CTDSPL2: variants seen among roughly 807,000 people sequenced by gnomAD.
CTDSPL2 encodes the protein CTD small phosphatase-like protein 2.
A neutral mutation model predicts 60.0 loss-of-function variants in CTDSPL2; 5 were observed. The observed-to-expected ratio is 0.08, with a 90% CI of 0.04 to 0.18. The LOEUF (loss-of-function observed/expected upper bound fraction) is 0.18, where lower values mean the gene tolerates loss of function less well. CTDSPL2 is among the 10% of genes least tolerant of loss of function. The pLI is 1.00. For synonymous variants in CTDSPL2, 186 were observed against 189.3 expected (o/e 0.98, Z 0.14); for missense variants, 370 against 548.8 (o/e 0.67, Z 3.26).
intron 1 of CTDSPL2, among the ~76,000 whole-genome samples, chr15:44,442,681 A>G (rs2080115830): frequency 6.8e-6 from 1 of 148,080 alleles, no homozygotes; most frequent in Non-Finnish European, 1.5e-5. Flanking sequence ...GTTGGTTAGC[A>G]AAAAAAAAAT....
At chr15:44,432,954 A>C (rs1291501520) in intron 1 of CTDSPL2, among the ~76,000 whole-genome samples, 2 of 151,966 alleles carry the variant, frequency 1.3e-5, no homozygotes, top group African/African-American at 4.8e-5. Context: ...AAAAAGAGAA[A>C]GTCTATATTG....
Position 44,527,806 on chromosome 15 carries a change from A to G in CTDSPL2, c.*3632A>G, listed in dbSNP as rs1269162966. The G allele has an allele frequency of 6.6e-6, 1 of 152,122 alleles. No homozygotes were observed. The highest frequency in any genetic ancestry group is 2.4e-5 in the African/African-American group (1 of 41,438). The allele number at this position is 152,122 out of a possible 1,614,324, so 9.4% of individuals were successfully genotyped here. A position where few individuals can be genotyped will look rare whatever the true frequency, so the allele number is the denominator to read the frequency against. ...ACTGGGAACAAAAATGTATGGGCCA[A>G]AAGGCCTTAGGGTTGTCATTCATTG... On this transcript the variant is annotated 3_prime_UTR_variant, in exon 13 of 13. Transcript: ENST00000260327.
In CTDSPL2 at chr15:44,445,037, G is replaced by T. The variant is rs529194025; in HGVS notation, c.-24-13954G>T. ...TTTATATTTTTAGTAGAGACGACAG[G>T]GTTTCACCGTGTTAGCTAGGATGGT... On this transcript the variant is annotated intron_variant, in intron 1 of 12. Transcript: ENST00000260327. Among the ~76,000 whole-genome samples the T allele has an allele frequency of 6.0e-5, 9 of 150,832 alleles. No homozygotes were observed. The East Asian group carries it at 1.8e-3, about 30-fold the overall frequency.
At chr15:44,453,778 G>A (rs1348249631) in intron 1 of CTDSPL2, among the ~76,000 whole-genome samples, 1 of 152,000 alleles carries the variant, frequency 6.6e-6, no homozygotes, top group Non-Finnish European at 1.5e-5. Flanking sequence ...TGGCTGCATA[G>A]TATTCCATAG....
At chr15:44,450,949 A>G (rs1383161862) in intron 1 of CTDSPL2, among the ~76,000 whole-genome samples, 1 of 152,196 alleles carries the variant, frequency 6.6e-6, no homozygotes, top group South Asian at 2.1e-4. Context: ...ATAAAAGGGG[A>G]AAAAAACAGG....
intron 3 of CTDSPL2, among the ~76,000 whole-genome samples, chr15:44,486,040 G>C (rs145404219): frequency 1.3e-5 from 2 of 152,158 alleles, no homozygotes; most frequent in Non-Finnish European, 2.9e-5. Flanking sequence ...CTGAGATGGC[G>C]TCTCAGTGTC....
At chr15:44,440,915 G>A (rs1333414358) in intron 1 of CTDSPL2, among the ~76,000 whole-genome samples, 2 of 152,040 alleles carry the variant, frequency 1.3e-5, no homozygotes, top group African/African-American at 4.8e-5. Context: ...CCTTAAGTGC[G>A]CCATTGGCTT....
At chr15:44,482,948 T>G (rs2081053598) in intron 2 of CTDSPL2, among the ~76,000 whole-genome samples, 1 of 152,176 alleles carries the variant, frequency 6.6e-6, no homozygotes, top group Non-Finnish European at 1.5e-5. Flanking sequence ...TGTAGGGCAG[T>G]ATTATAGTAA....
intron 12 of CTDSPL2, among the ~76,000 whole-genome samples, chr15:44,521,854 C>T (rs1463222371): frequency 1.2e-4 from 16 of 134,824 alleles, no homozygotes; most frequent in Admixed American, 7.7e-4. Context: ...AGGGGAATGG[C>T]GTGAACCCGG....
intron 8 of CTDSPL2, among the ~76,000 whole-genome samples, chr15:44,510,126 C>T (rs2081541174): frequency 6.6e-6 from 1 of 151,704 alleles, no homozygotes. Context: ...GCTGGGACTA[C>T]AGGTGCATGC....
In CTDSPL2 at chr15:44,525,585, A is replaced by G. The variant is rs1407776611; in HGVS notation, c.*1411A>G. On this transcript the variant is annotated 3_prime_UTR_variant, in exon 13 of 13. Transcript: ENST00000260327. ...TGATATTTTGTATGCTTGTTAAGAA[A>G]GTACAGTATTGGAAATTAAAGGTGG... The G allele has an allele frequency of 2.5e-6, 1 of 398,044 alleles. No homozygotes were observed. Among genetic ancestry groups the G allele is most frequent in the Non-Finnish European group, 4.4e-6 (1 of 225,510 alleles). 24.7% of individuals were successfully genotyped at this position (398,044 alleles called of 1,614,324 possible). A position where few individuals can be genotyped will look rare whatever the true frequency, so the allele number is the denominator to read the frequency against.
chr15:44,443,253 G>T (rs1441315426), intron 1 of CTDSPL2, among the ~76,000 whole-genome samples: 1 of 152,028 alleles, frequency 6.6e-6, no homozygotes, highest in Non-Finnish European at 1.5e-5. Context: ...CCTTTTTAAG[G>T]CTGAATACTA....
chr15:44,457,755 G>C (rs1168215692), intron 1 of CTDSPL2, among the ~76,000 whole-genome samples: 2 of 152,092 alleles, frequency 1.3e-5, no homozygotes, highest in Non-Finnish European at 2.9e-5. Context: ...GGGATTACAG[G>C]CCCCTGCCAC....
At position 44,506,025 on chromosome 15, in the gene CTDSPL2, C is replaced by CTTTTTTTTTTTTTTT. The variant is rs753896129; in HGVS notation, c.969+6220_969+6234dup. On this transcript the variant is annotated intron_variant, in intron 8 of 12. Coordinates refer to ENST00000260327, the MANE Select transcript of CTDSPL2 (RefSeq NM_016396.3). ...GATGAAAATTATGCTTCATTGGTAA[C>CTTTTTTTTTTTTTTT]TTTTTTTTTTTTTTTTTTTTTTGAG... 1.1e-4 allele frequency among the ~76,000 whole-genome samples: 13 copies of CTTTTTTTTTTTTTTT among 117,582 alleles called. 1 individual carries two copies. The highest frequency in any genetic ancestry group is 1.1e-3 in the East Asian group (4 of 3,714). 77.1% of individuals were successfully genotyped at this position (117,582 alleles called of 152,430 possible).
At chr15:44,453,116 T>G (rs2080363582) in intron 1 of CTDSPL2, among the ~76,000 whole-genome samples, 1 of 152,168 alleles carries the variant, frequency 6.6e-6, no homozygotes, top group African/African-American at 2.4e-5. Flanking sequence ...CTTTTTTTCT[T>G]TTTAATATGG....
intron 2 of CTDSPL2, among the ~76,000 whole-genome samples, chr15:44,464,949 G>T (rs985605058): frequency 2.0e-5 from 3 of 152,126 alleles, no homozygotes; most frequent in African/African-American, 7.2e-5. Flanking sequence ...TAAGTGATCT[G>T]CCTGCCTCGG....
chr15:44,511,696 C>T (rs905395908), intron 8 of CTDSPL2, among the ~76,000 whole-genome samples: 20 of 151,428 alleles, frequency 1.3e-4, no homozygotes, highest in East Asian at 1.9e-4. Context: ...CGGTGAAAAC[C>T]GTCTCTATTA....
chr15:44,451,868 T>TA (rs1160835507), intron 1 of CTDSPL2, among the ~76,000 whole-genome samples: 6 of 152,240 alleles, frequency 3.9e-5, no homozygotes, highest in South Asian at 2.1e-4. Context: ...TACTAAAGCA[T>TA]ACCTCCCTAT....
At chr15:44,460,710 TG>T (rs1008411174) in intron 2 of CTDSPL2, among the ~76,000 whole-genome samples, 2 of 152,138 alleles carry the variant, frequency 1.3e-5, no homozygotes, top group African/African-American at 4.8e-5. Context: ...TTTTATTTTT[TG>T]TTTTTGTTTG....
Sources: allele counts gnomAD v4.1 joint callset (sites outside exome capture counted in the v4.1 genomes callset), GRCh38; gene constraint gnomAD v4.1.1; transcripts MANE v1.5; gene names NCBI Gene and HGNC (gene_info 2026-07-23, HGNC 2026-07-21).